The following CHST13 variants were observed in gnomAD, a reference collection of about 807,000 sequenced individuals.
The protein encoded by CHST13 is C4ST-3.
Under a neutral mutation model 7.0 loss-of-function variants are expected in CHST13, and 1 was observed. The observed-to-expected ratio is 0.14, with a 90% CI of 0.05 to 0.68. CHST13 has a LOEUF of 0.68. Among genes scored for constraint, CHST13 ranks in the 30% least tolerant of loss-of-function variants. The pLI, the probability that CHST13 is intolerant of heterozygous loss-of-function variation, is 0.82. For missense variants in CHST13, 572 were observed against 507.9 expected (o/e 1.13, Z -1.21); for synonymous variants, 257 against 240.9 (o/e 1.07, Z -0.62).
At chr3:126,530,572 G>T (rs939930693) in intron 1 of CHST13, among the ~76,000 whole-genome samples, 5 of 152,378 alleles carry the variant, frequency 3.3e-5, no homozygotes, top group Non-Finnish European at 5.9e-5. Context: ...CGGCGAGAAG[G>T]CCTGGCCTCC....
At chr3:126,541,201 C>T (rs909315447) in intron 2 of CHST13, among the ~76,000 whole-genome samples, 3 of 152,152 alleles carry the variant, frequency 2.0e-5, no homozygotes, top group Non-Finnish European at 4.4e-5. Flanking sequence ...CTTCCTGTCC[C>T]AGCGCTGAGA....
rs766098235 is a variant in CHST13, at chr3:126,542,513, G to A, written c.961G>A (p.Asp321Asn). ...ISPFYQRRLF[D>N]LYKMDFLLFN... ...CCCCTTCTACCAGCGGCGCCTCTTC[G>A]ACCTCTACAAGATGGACTTCCTGCT... Residue 321 changes from aspartate to asparagine, a missense_variant, in exon 3 of 3, where the codon GAC becomes AAC. Coordinates refer to ENST00000319340, the MANE Select transcript of CHST13 (RefSeq NM_152889.3). 20 of 1,566,418 alleles carry A rather than the reference G, an allele frequency of 1.3e-5. No homozygotes were observed. Among genetic ancestry groups the A allele is most frequent in the Middle Eastern group, 3.4e-4 (2 of 5,910 alleles).
At position 126,541,793 on chromosome 3, in the gene CHST13, T is replaced by G. The variant is rs1936962401; in HGVS notation, c.241T>G (p.Cys81Gly). 4 of 1,543,858 alleles carry G rather than the reference T, an allele frequency of 2.6e-6. No individual in the cohort carries two copies. Among genetic ancestry groups the G allele is most frequent in the Admixed American group, 2.0e-5 (1 of 50,854 alleles). ...GCGGCGCGACCTGCTGAACAGCGCC[T>G]GTAGCCGCCACTCACGCCGGCAGCG... ...RQRRDLLNSA[C>G]SRHSRRQRLL... Residue 81 changes from cysteine to glycine, a missense_variant, in exon 3 of 3, where the codon TGT becomes GGT. Physicochemically the swap from Cys to Gly is radical, Grantham distance 159. Transcript: ENST00000319340.
Position 126,536,334 on chromosome 3 carries a change from A to G in CHST13, c.161A>G (p.Lys54Arg), listed in dbSNP as rs562208555. The G allele has an allele frequency of 8.7e-5, 140 of 1,613,900 alleles. 1 individual carries two copies. In the South Asian group the frequency reaches 1.5e-3, roughly 17 times the overall value. Residue 54 changes from lysine (K) to arginine (R), a missense_variant, in exon 2 of 3, where the codon AAG becomes AGG. Transcript: ENST00000319340. ...LGGEKRSPLQ[K>R]LYDLDQDPRS... The stretch of plus-strand genomic sequence containing the variant: ...GGGGAGAAGAGAAGCCCCCTGCAGA[A>G]GCTCTATGACCTGGATCAGGTAGGT...
At chr3:126,531,028 C>T (rs954400887) in intron 1 of CHST13, among the ~76,000 whole-genome samples, 3 of 152,264 alleles carry the variant, frequency 2.0e-5, no homozygotes, top group Non-Finnish European at 4.4e-5. Flanking sequence ...TTCTGGAGGC[C>T]AGTGCAAGGC....
chr3:126,542,106 G>C lies in CHST13; in HGVS notation c.554G>C (p.Arg185Pro). 1 of 1,580,986 alleles carries C rather than the reference G, an allele frequency of 6.3e-7. No homozygotes were observed. Among genetic ancestry groups the C allele is most frequent in the East Asian group, 2.3e-5 (1 of 42,558 alleles). ...EPFERLASAY[R>P]NKLARPYSAA... ...TTCGAGCGCCTGGCATCGGCTTACC[G>C]CAACAAGCTCGCGCGCCCCTACAGC... The change falls in exon 3 of 3, where the codon CGC becomes CCC. Residue 185 changes from arginine to proline, a missense_variant. Physicochemically the swap from Arg to Pro is moderately radical, Grantham distance 103. Transcript: ENST00000319340.
chr3:126,530,611 C>G (rs1936637430), intron 1 of CHST13, among the ~76,000 whole-genome samples: 1 of 152,274 alleles, frequency 6.6e-6, no homozygotes, highest in African/African-American at 2.4e-5. Flanking sequence ...CCTGCCCTGC[C>G]TGGTGTGGCA....
At chr3:126,524,738 G>A (rs1349943636) in intron 1 of CHST13, among the ~76,000 whole-genome samples, 17 of 152,170 alleles carry the variant, frequency 1.1e-4, no homozygotes, top group Admixed American at 1.1e-3. Context: ...AATCCGGGAA[G>A]GCCATCTCCC....
intron 1 of CHST13, among the ~76,000 whole-genome samples, chr3:126,529,581 G>A (rs1462914476): frequency 1.3e-5 from 2 of 152,274 alleles, no homozygotes; most frequent in East Asian, 3.9e-4. Flanking sequence ...TTCTACATGA[G>A]AGGGGTAAGC....
In CHST13 at chr3:126,542,140, C is replaced by T. The variant is rs757949099; in HGVS notation, c.588C>T (p.Phe196=). Residue 196 remains phenylalanine (F), a synonymous_variant, in exon 3 of 3, where the codon TTC becomes TTT. Coordinates refer to ENST00000319340, the MANE Select transcript of CHST13 (RefSeq NM_152889.3). The part of the protein sequence containing the change: ...NKLARPYSAA[F]QRRYGARIVQ... ...TCGCGCGCCCCTACAGCGCCGCCTTCCAGAGGCGCTACGGTGCACGCATCG... is the reference window on the plus strand; with the variant it reads ...TCGCGCGCCCCTACAGCGCCGCCTTTCAGAGGCGCTACGGTGCACGCATCG... 2 of 1,563,230 alleles carry T rather than the reference C, an allele frequency of 1.3e-6. No individual in the cohort carries two copies. Among genetic ancestry groups the T allele is most frequent in the Non-Finnish European group, 1.7e-6 (2 of 1,159,710 alleles).
intron 1 of CHST13, among the ~76,000 whole-genome samples, chr3:126,533,131 A>G (rs1423768153): frequency 6.6e-6 from 1 of 152,084 alleles, no homozygotes; most frequent in Non-Finnish European, 1.5e-5. Flanking sequence ...CAGTTTGTGA[A>G]TTCTTTAGGG....
chr3:126,534,871 A>G (rs1936734305), intron 1 of CHST13, among the ~76,000 whole-genome samples: 1 of 147,768 alleles, frequency 6.8e-6, no homozygotes, highest in Admixed American at 6.7e-5. Flanking sequence ...AGACAGACAC[A>G]CAGACAGCAT....
At chr3:126,530,762 G>A (rs1227197508) in intron 1 of CHST13, among the ~76,000 whole-genome samples, 1 of 152,212 alleles carries the variant, frequency 6.6e-6, no homozygotes, top group African/African-American at 2.4e-5. Context: ...GGACATGTCC[G>A]GCAGTTCAGA....
chr3:126,533,325 T>C (rs1399874193), intron 1 of CHST13, among the ~76,000 whole-genome samples: 1 of 152,204 alleles, frequency 6.6e-6, no homozygotes, highest in African/African-American at 2.4e-5. Flanking sequence ...GGGAGAAAGC[T>C]TCCAGTCTTT....
chr3:126,525,456 C>T (rs1279847902), intron 1 of CHST13, among the ~76,000 whole-genome samples: 2 of 152,100 alleles, frequency 1.3e-5, no homozygotes, highest in Admixed American at 1.3e-4. Flanking sequence ...CTTGTGTGTC[C>T]AGACACAGCA....
At chr3:126,529,239 G>T in intron 1 of CHST13, 2 of 1,063,888 alleles carry the variant, frequency 1.9e-6, no homozygotes, top group Non-Finnish European at 1.3e-6. Context: ...TATCTTGATT[G>T]GCAGAGGAGG....
At chr3:126,532,733 C>A (rs1936683814) in intron 1 of CHST13, among the ~76,000 whole-genome samples, 1 of 152,114 alleles carries the variant, frequency 6.6e-6, no homozygotes, top group Admixed American at 6.5e-5. Flanking sequence ...TTTTGAGATT[C>A]TTTTGGATAT....
intron 2 of CHST13, 102 bp downstream of exon 2, chr3:126,536,455 T>G: frequency 2.3e-6 from 2 of 858,586 alleles, no homozygotes; most frequent in Non-Finnish European, 3.7e-6. Flanking sequence ...GACCCCACAC[T>G]GGGGCACAGA....
At chr3:126,535,210 GT>G (rs1191656939) in intron 1 of CHST13, among the ~76,000 whole-genome samples, 7 of 148,856 alleles carry the variant, frequency 4.7e-5, no homozygotes, top group African/African-American at 1.7e-4. Context: ...CAGCATCGCT[GT>G]CCCCAGCCGG....
Sources: allele counts gnomAD v4.1 joint callset (sites outside exome capture counted in the v4.1 genomes callset), GRCh38; gene constraint gnomAD v4.1.1; transcripts MANE v1.5; gene names NCBI Gene and HGNC (gene_info 2026-07-23, HGNC 2026-07-21).